GALNT13: variants seen among roughly 807,000 people sequenced by gnomAD.
GALNT13 encodes UDP-GalNAc:polypeptide N-acetylgalactosaminyltransferase 13.
GALNT13 carries 28 observed loss-of-function variants against 64.2 expected under a neutral mutation model. The ratio of observed to expected loss-of-function variants is 0.44; its 90% CI spans 0.32 to 0.60. The LOEUF (loss-of-function observed/expected upper bound fraction) is 0.60. Among genes scored for constraint, GALNT13 ranks in the 20% least tolerant of loss-of-function variants. GALNT13 has a pLI of 0.05. For missense variants in GALNT13, 577 were observed against 669.8 expected, an observed-to-expected ratio of 0.86 and a Z score of 1.53; for synonymous variants, 214 against 224.6, an observed-to-expected ratio of 0.95 and a Z score of 0.42.
chr2:153,864,162 A>G, the GALNT13 span, among the ~76,000 whole-genome samples: 2 of 152,158 alleles, frequency 1.3e-5, no homozygotes, highest in Non-Finnish European at 2.9e-5. Context: ...AATAGCGTAC[A>G]TAGTCAGGCT....
At chr2:154,168,891 G>A (rs150114037) in intron 4 of GALNT13, among the ~76,000 whole-genome samples, 630 of 151,940 alleles carry the variant, frequency 4.1e-3, no homozygotes, top group African/African-American at 0.015. Context: ...TTGGCTAATG[G>A]TACTGTAGTT....
chr2:154,392,687 C>G (rs975966989), intron 9 of GALNT13, among the ~76,000 whole-genome samples: 1 of 152,066 alleles, frequency 6.6e-6, no homozygotes, highest in African/African-American at 2.4e-5. Flanking sequence ...AAGACAGATT[C>G]AATTATTCTT....
intron 9 of GALNT13, among the ~76,000 whole-genome samples, chr2:154,332,265 T>A (rs1013952582): frequency 6.6e-6 from 1 of 152,108 alleles, no homozygotes; most frequent in Non-Finnish European, 1.5e-5. Context: ...CTACCTCTGC[T>A]GAGCCTAAAA....
At chr2:153,814,050 A>C in the GALNT13 span, among the ~76,000 whole-genome samples, 1 of 152,222 alleles carries the variant, frequency 6.6e-6, no homozygotes, top group African/African-American at 2.4e-5. Context: ...GTAGCATGGC[A>C]GCTGGCTTCC....
the GALNT13 span, among the ~76,000 whole-genome samples, chr2:153,235,085 G>C: frequency 1.2e-4 from 19 of 152,054 alleles, no homozygotes; most frequent in Admixed American, 1.2e-3. Context: ...ATGTAGTATG[G>C]GAAACTGAAT....
intron 7 of GALNT13, 85 bp downstream of exon 7, chr2:154,246,067 AT>A: frequency 1.2e-6 from 1 of 844,398 alleles, no homozygotes; most frequent in Middle Eastern, 3.0e-4. Flanking sequence ...ATGTTTAATT[AT>A]TTAATTGTAT....
the GALNT13 span, among the ~76,000 whole-genome samples, chr2:153,755,488 C>T: frequency 1.3e-5 from 2 of 151,982 alleles, no homozygotes; most frequent in African/African-American, 4.8e-5. Flanking sequence ...ATGGGCATTT[C>T]TCTAATGATT....
the GALNT13 span, among the ~76,000 whole-genome samples, chr2:153,169,944 G>A: frequency 2.6e-4 from 40 of 152,244 alleles, no homozygotes; most frequent in African/African-American, 9.1e-4. Context: ...TTATGTAACT[G>A]CCCTTATCCA....
the GALNT13 span, among the ~76,000 whole-genome samples, chr2:153,568,633 G>A: frequency 1.4e-3 from 212 of 152,164 alleles, 3 homozygotes; most frequent in African/African-American, 4.8e-3. Context: ...TACCCATTGA[G>A]TTGTGATACA....
intron 3 of GALNT13, among the ~76,000 whole-genome samples, chr2:153,963,764 TG>T (rs1693121772): frequency 6.6e-6 from 1 of 150,806 alleles, no homozygotes; most frequent in Non-Finnish European, 1.5e-5. Context: ...TGTGTGTGTG[TG>T]TGTGTGTGTG....
intron 9 of GALNT13, among the ~76,000 whole-genome samples, chr2:154,376,668 A>G (rs1015168080): frequency 1.3e-5 from 2 of 152,148 alleles, no homozygotes; most frequent in African/African-American, 4.8e-5. Context: ...TAATAGTGTC[A>G]ACTTTTAACT....
chr2:154,244,362 T>C (rs1407084809), intron 6 of GALNT13, among the ~76,000 whole-genome samples: 1 of 152,166 alleles, frequency 6.6e-6, no homozygotes, highest in Non-Finnish European at 1.5e-5. Context: ...AATGTTGATT[T>C]TTCTGGGGTC....
rs373277876 is a variant in GALNT13 at position 153,875,046 on chromosome 2, G to A, written c.-177+2743G>A. 2.8e-4 allele frequency among the ~76,000 whole-genome samples: 43 copies of A among 151,880 alleles called. 1 individual carries two copies. In the South Asian group the frequency reaches 8.8e-3, roughly 31 times the overall value. ...GATATATCAGCTTAAAATACTTGGG[G>A]GCTATATATTGATCTGTAAGCTGGA... On this transcript the variant is annotated intron_variant, in intron 1 of 12. Transcript: ENST00000392825.
the GALNT13 span, among the ~76,000 whole-genome samples, chr2:153,842,664 G>A: frequency 6.6e-6 from 1 of 151,506 alleles, no homozygotes; most frequent in Non-Finnish European, 1.5e-5. Flanking sequence ...AAACACAAGA[G>A]CTAGAATGCA....
At chr2:153,437,239 CT>C in the GALNT13 span, among the ~76,000 whole-genome samples, 167 of 152,184 alleles carry the variant, frequency 1.1e-3, no homozygotes, top group Non-Finnish European at 2.1e-3. Flanking sequence ...GAGTGCTTTA[CT>C]TCCAACTATG....
the GALNT13 span, among the ~76,000 whole-genome samples, chr2:153,560,331 G>A: frequency 4.0e-5 from 6 of 151,860 alleles, no homozygotes; most frequent in African/African-American, 1.5e-4. Flanking sequence ...AAATTACCAG[G>A]TTAATACTTC....
the GALNT13 span, among the ~76,000 whole-genome samples, chr2:153,547,591 T>C: frequency 6.6e-6 from 1 of 152,210 alleles, no homozygotes; most frequent in Non-Finnish European, 1.5e-5. Flanking sequence ...ATCTAGATAG[T>C]GAGGATATAC....
chr2:153,916,416 C>A (rs906344078), intron 2 of GALNT13, among the ~76,000 whole-genome samples: 5 of 152,054 alleles, frequency 3.3e-5, no homozygotes, highest in Admixed American at 1.3e-4. Context: ...CTCAGCCTCC[C>A]AAACTGCTGG....
At chr2:153,259,977 GT>G in the GALNT13 span, among the ~76,000 whole-genome samples, 1 of 151,378 alleles carries the variant, frequency 6.6e-6, no homozygotes, top group South Asian at 2.1e-4. Flanking sequence ...TCTGTTGTGT[GT>G]TTTTTTTAAT....
Sources: gnomAD v4.1 joint callset for allele counts (sites outside exome capture counted in the v4.1 genomes callset) on GRCh38, gnomAD v4.1.1 for gene constraint, MANE v1.5 for transcripts, NCBI Gene and HGNC (gene_info 2026-07-23, HGNC 2026-07-21) for gene names.